SNX20: variants seen among roughly 807,000 people sequenced by gnomAD.
The protein encoded by SNX20 is sorting nexin-20.
In SNX20, 21 loss-of-function variants were observed where a neutral mutation model predicts 24.5. The observed-to-expected ratio is 0.86, with a 90% CI of 0.61 to 1.23. SNX20 has a LOEUF of 1.23. Ranked by LOEUF, SNX20 falls within the 50% of genes most tolerant of loss-of-function variation. SNX20 has a pLI of 0.00. For missense variants in SNX20, 433 were observed against 430.8 expected (o/e 1.00, Z -0.04); for synonymous variants, 206 against 192.8 (o/e 1.07, Z -0.57).
At chr16:50,675,680 GTT>G in intron 3 of SNX20, 88 bp downstream of exon 3, 1 of 1,521,546 alleles carries the variant, frequency 6.6e-7, no homozygotes, top group Admixed American at 2.1e-5. Flanking sequence ...CCATTTCATA[GTT>G]GGGAAACCTG....
rs1370599064 is a variant in SNX20, at chr16:50,674,027, CTTG to C, written c.327_329del (p.Asn109del). 7.5e-6 allele frequency: 12 copies of C among 1,609,884 alleles called. No individual in the cohort carries two copies. Among genetic ancestry groups the C allele is most frequent in the East Asian group, 6.8e-5 (3 of 44,436 alleles). ...CGGAATAGCGCCGTTCCAGGACGGC[CTTG>C]TTGTTGTCAAAGCTCCCAGTCTGGA... On this transcript the variant is annotated inframe_deletion, in exon 4 of 4. Transcript: ENST00000330943.
Position 50,673,292 on chromosome 16 carries a change from C to T in SNX20, c.*114G>A, listed in dbSNP as rs562392270. On this transcript the variant is annotated 3_prime_UTR_variant, in exon 4 of 4. Transcript: ENST00000330943. The surrounding 1 kb of genome is among the most constrained non-coding windows in gnomAD (Gnocchi z 4.1). The stretch of plus-strand genomic sequence containing the variant: ...CTTCAGTCTGGGTGACAGAGCAAGA[C>T]TGTCTCAAATAACAAAAAAGAAAAG... 9.4e-6 allele frequency: 13 copies of T among 1,380,434 alleles called. No homozygotes were observed. Among genetic ancestry groups the T allele is most frequent in the Middle Eastern group, 3.9e-4 (2 of 5,148 alleles). The allele number at this position is 1,380,434 out of a possible 1,614,324, so 85.5% of individuals were successfully genotyped here.
At chr16:50,669,206 CTA>C (rs1301384347), downstream of SNX20, 2 of 815,374 alleles carry the variant, frequency 2.5e-6, no homozygotes, top group African/African-American at 3.4e-5. Context: ...TTTTGCATTG[CTA>C]TAAAGGAATA....
In SNX20 at chr16:50,673,557, G is replaced by C. The variant is rs749346547; in HGVS notation, c.800C>G (p.Ala267Gly). 1 of 1,604,818 alleles carries C rather than the reference G, an allele frequency of 6.2e-7. No individual in the cohort carries two copies. Among genetic ancestry groups the C allele is most frequent in the Admixed American group, 1.7e-5 (1 of 59,540 alleles). ...LQAREGHRYY[A>G]PLLDAMVRLA... ...GCGGACCATGGCGTCCAGCAGAGGC[G>C]CATAGTAGCGATGGCCCTCCCGGGC... is the stretch of plus-strand genomic sequence containing the variant. The change falls in exon 4 of 4, where the codon GCG (alanine) becomes GGG (glycine). Residue 267 changes from alanine to glycine, a missense_variant. By Grantham distance (60) the Ala-to-Gly change is moderately conservative. Coordinates refer to ENST00000330943, the MANE Select transcript of SNX20 (RefSeq NM_182854.4). The surrounding 1 kb of genome is among the most constrained non-coding windows in gnomAD (Gnocchi z 4.1).
chr16:50,679,384 G>C (rs1350839549), intron 1 of SNX20, among the ~76,000 whole-genome samples: 1 of 152,208 alleles, frequency 6.6e-6, no homozygotes. Context: ...CTGCACTTCA[G>C]GGGGAAGTGC....
Position 50,673,656 on chromosome 16 carries a change from A to C in SNX20, c.701T>G (p.Leu234Arg). ...AAAVPALCAVLLCHRDLDRPA... is the reference protein window; with the variant it reads ...AAAVPALCAVRLCHRDLDRPA... ...GCGGTCGAGGTCGCGGTGGCACAGC[A>C]GCACGGCGCACAGGGCCGGGACGGC... is the stretch of plus-strand genomic sequence containing the variant. The change falls in exon 4 of 4, where the codon CTG becomes CGG. Residue 234 changes from leucine to arginine, a missense_variant. By Grantham distance (102) the Leu-to-Arg change is moderately radical. Transcript: ENST00000330943. The surrounding 1 kb of genome is among the most constrained non-coding windows in gnomAD (Gnocchi z 4.1). 1 of 1,511,168 alleles carries C rather than the reference A, an allele frequency of 6.6e-7. No individual in the cohort carries two copies. Among genetic ancestry groups the C allele is most frequent in the Non-Finnish European group, 8.8e-7 (1 of 1,139,306 alleles). 93.6% of individuals were successfully genotyped at this position (1,511,168 alleles called of 1,614,324 possible). A position where few individuals can be genotyped will look rare whatever the true frequency, so the allele number is the denominator to read the frequency against.
intron 2 of SNX20, among the ~76,000 whole-genome samples, chr16:50,676,623 C>A (rs1351635133): frequency 6.6e-6 from 1 of 152,226 alleles, no homozygotes; most frequent in Non-Finnish European, 1.5e-5. Context: ...AGACCCAGCC[C>A]CCACATCACT....
chr16:50,676,070 G>A (rs1963176002), intron 2 of SNX20, 149 bp from the exon 3 acceptor site: 7 of 863,072 alleles, frequency 8.1e-6, no homozygotes, highest in Non-Finnish European at 1.2e-5. Context: ...CCATTTATAG[G>A]CCCAATTGGG....
At chr16:50,679,582 G>T (rs542114904) in intron 1 of SNX20, among the ~76,000 whole-genome samples, 1 of 152,204 alleles carries the variant, frequency 6.6e-6, no homozygotes, top group Non-Finnish European at 1.5e-5. Context: ...GGCACCTCTC[G>T]CTTGTCTCTT....
At position 50,675,817 on chromosome 16, in the gene SNX20, CAA is replaced by C. The variant is rs1435652037; in HGVS notation, c.233_234del (p.Phe78Ter). 6.2e-7 allele frequency: 1 copy of C among 1,613,672 alleles called. No homozygotes were observed. The highest frequency in any genetic ancestry group is 1.1e-5 in the South Asian group (1 of 91,004). ...TCCTCGATGCGAGCTGAAGCGATCT[CAA>C]AGAGCAGTTTGACGTGCTTCCAGCG... ...KCRWKHVKLL[F>X]EIASARIEER... is the part of the protein sequence containing the mutation. On this transcript the variant is annotated frameshift_variant, in exon 3 of 4. Coordinates refer to ENST00000330943, the MANE Select transcript of SNX20 (RefSeq NM_182854.4). LOFTEE classifies it high-confidence loss of function.
intron 1 of SNX20, among the ~76,000 whole-genome samples, chr16:50,680,735 A>AG (rs1248915009): frequency 6.6e-6 from 1 of 152,112 alleles, no homozygotes; most frequent in Non-Finnish European, 1.5e-5. Flanking sequence ...TGCCAAAGCC[A>AG]GGGGCTCCCA....
At chr16:50,669,990 T>C (rs1963005639), downstream of SNX20, 1 of 152,230 alleles carries the variant, frequency 6.6e-6, no homozygotes, top group Non-Finnish European at 1.5e-5. Flanking sequence ...CAGGGTCTCA[T>C]GAGGATGCCT....
downstream of SNX20, chr16:50,669,310 T>C (rs1203258961): frequency 5.2e-6 from 3 of 580,312 alleles, no homozygotes; most frequent in Non-Finnish European, 9.3e-6. Flanking sequence ...TTGCTTCTTG[T>C]GAAGCTTCAG....
rs1963060799 is a variant in SNX20, at chr16:50,672,020, G to A, written c.*1386C>T. 6.6e-6 allele frequency: 1 copy of A among 152,166 alleles called. No homozygotes were observed. The allele number at this position is 152,166 out of a possible 1,614,324, so 9.4% of individuals were successfully genotyped here. A position where few individuals can be genotyped will look rare whatever the true frequency, so the allele number is the denominator to read the frequency against. Reference sequence around the variant, plus strand: ...CATCCAGGCAGTTTAGGTCTTCAGGGGCTTCCAGCCTCCAACACACATTGG... The same window carrying A: ...CATCCAGGCAGTTTAGGTCTTCAGGAGCTTCCAGCCTCCAACACACATTGG... On this transcript the variant is annotated 3_prime_UTR_variant, in exon 4 of 4. Coordinates refer to ENST00000330943, the MANE Select transcript of SNX20 (RefSeq NM_182854.4).
At chr16:50,679,362 G>T (rs910215772) in intron 1 of SNX20, among the ~76,000 whole-genome samples, 6 of 152,228 alleles carry the variant, frequency 3.9e-5, no homozygotes, top group Non-Finnish European at 8.8e-5. Flanking sequence ...GAGGTCAGCT[G>T]GGGCCTGGAG....
chr16:50,679,596 C>T (rs1963254065), intron 1 of SNX20, among the ~76,000 whole-genome samples: 1 of 152,236 alleles, frequency 6.6e-6, no homozygotes, highest in East Asian at 1.9e-4. Context: ...GTCTCTTGTG[C>T]CTGTCAGGGA....
chr16:50,671,219 G>A (rs936328083), downstream of SNX20: 4 of 151,804 alleles, frequency 2.6e-5, no homozygotes, highest in Admixed American at 2.6e-4. Flanking sequence ...CAGCCCCAGG[G>A]AAGACCTAAA....
At position 50,673,412 on chromosome 16, in the gene SNX20, C is replaced by G; in HGVS notation, c.945G>C (p.Leu315=). 6.5e-7 allele frequency: 1 copy of G among 1,541,734 alleles called. No homozygotes were observed. The highest frequency in any genetic ancestry group is 8.8e-7 in the Non-Finnish European group (1 of 1,141,856). The change falls in exon 4 of 4, where the codon CTG becomes CTC. Residue 315 remains leucine, a synonymous_variant. Transcript: ENST00000330943. This position sits in a 1 kb window ranked among gnomAD's most constrained non-coding sequence, Gnocchi z 4.1. ...TLKELTVREY[L]H ...TGCGGGGTCCCAGGCCGGCTCAGTG[C>G]AGGTATTCTCGCACAGTGAGCTCCT...
chr16:50,681,028 T>A (rs1963285234), intron 1 of SNX20, among the ~76,000 whole-genome samples, 162 bp downstream of exon 1: 1 of 152,258 alleles, frequency 6.6e-6, no homozygotes, highest in Admixed American at 6.5e-5. Context: ...GAGCTGTCCC[T>A]TCCTCTGCCT....
Sources: gnomAD v4.1 joint callset for allele counts (sites outside exome capture counted in the v4.1 genomes callset) on GRCh38, gnomAD v4.1.1 for gene constraint, Gnocchi (gnomAD v3.1) non-coding constraint, MANE v1.5 for transcripts, NCBI Gene and HGNC (gene_info 2026-07-23, HGNC 2026-07-21) for gene names.